Variants in ZCCHC8 observed in about 807,000 individuals in gnomAD.
ZCCHC8 encodes the protein zinc finger CCHC-type containing 8.
In ZCCHC8, 27 loss-of-function variants were observed where a neutral mutation model predicts 70.6. That is an observed-to-expected ratio of 0.38 (90% CI 0.28 to 0.53). ZCCHC8 has a LOEUF of 0.53. Ranked by LOEUF, ZCCHC8 falls within the 20% of genes least tolerant of loss-of-function variation. The pLI, the probability that ZCCHC8 is intolerant of heterozygous loss-of-function variation, is 0.81. For synonymous variants in ZCCHC8, 293 were observed against 317.4 expected (o/e 0.92, Z 0.82); for missense variants, 737 against 876.9 (o/e 0.84, Z 2.01).
chr12:122,482,724 TA>T, intron 7 of ZCCHC8, 29 bp from the exon 8 acceptor site: 2 of 1,572,774 alleles, frequency 1.3e-6, no homozygotes, highest in Non-Finnish European at 8.7e-7. Flanking sequence ...AAGATTTTTA[TA>T]ATGTCAATAA....
In ZCCHC8 at chr12:122,480,180, A is replaced by G; in HGVS notation, c.1140+10T>C. The G allele has an allele frequency of 6.4e-7, 1 of 1,556,920 alleles. No homozygotes were observed. On this transcript the variant is annotated intron_variant, in intron 11 of 13. Transcript: ENST00000633063. ...ATCACATGATAATTTAAAAAAATCA[A>G]TATACTTACGTCTGGAATTCCTCTG...
intron 11 of ZCCHC8, among the ~76,000 whole-genome samples, chr12:122,479,087 T>C (rs1482904532): frequency 6.6e-6 from 1 of 152,234 alleles, no homozygotes; most frequent in African/African-American, 2.4e-5. Context: ...TATTTTTATA[T>C]TTTTTGAGAT....
chr12:122,476,577 G>A (rs1311129215), intron 13 of ZCCHC8, among the ~76,000 whole-genome samples: 1 of 150,636 alleles, frequency 6.6e-6, no homozygotes. Flanking sequence ...CTGGGCAACC[G>A]AGCCAGATCC....
intron 2 of ZCCHC8, among the ~76,000 whole-genome samples, chr12:122,496,537 A>C (rs1957828322): frequency 6.6e-6 from 1 of 152,218 alleles, no homozygotes; most frequent in Non-Finnish European, 1.5e-5. Flanking sequence ...TTAACATATA[A>C]AAATTATGAC....
At chr12:122,490,835 A>T (rs1247116193) in intron 3 of ZCCHC8, 1 of 250,246 alleles carries the variant, frequency 4.0e-6, no homozygotes, top group Non-Finnish European at 7.6e-6. Flanking sequence ...GATTTTATTT[A>T]AAAATTCTGT....
intron 1 of ZCCHC8, chr12:122,499,176 C>A: frequency 2.4e-6 from 1 of 417,368 alleles, no homozygotes; most frequent in South Asian, 2.6e-5. Context: ...TTTCAACAAC[C>A]ACTATGTGAT....
At chr12:122,492,373 G>A (rs151211605) in intron 3 of ZCCHC8, 131 of 193,338 alleles carry the variant, frequency 6.8e-4, no homozygotes, top group African/African-American at 2.8e-3. Flanking sequence ...TGATAGTGAT[G>A]ATTTTTATTA....
At chr12:122,488,314 G>A (rs1294481954) in intron 5 of ZCCHC8, among the ~76,000 whole-genome samples, 1 of 151,870 alleles carries the variant, frequency 6.6e-6, no homozygotes, top group African/African-American at 2.4e-5. Context: ...TTACAGGTGT[G>A]AGCCACTTCG....
intron 9 of ZCCHC8, 47 bp downstream of exon 9, chr12:122,481,898 T>C (rs1957542765): frequency 2.5e-6 from 4 of 1,587,522 alleles, no homozygotes; most frequent in African/African-American, 2.7e-5. Flanking sequence ...ACATTCCAAA[T>C]GCTAGGGAAA....
In ZCCHC8 at chr12:122,496,702, G is replaced by T. The variant is rs146802472; in HGVS notation, c.242+2125C>A. 3.9e-5 allele frequency among the ~76,000 whole-genome samples: 6 copies of T among 152,218 alleles called. No individual in the cohort carries two copies. In the East Asian group the frequency reaches 1.2e-3, roughly 29 times the overall value. On this transcript the variant is annotated intron_variant, in intron 2 of 13. Coordinates refer to ENST00000633063, the MANE Select transcript of ZCCHC8 (RefSeq NM_017612.5). The stretch of plus-strand genomic sequence containing the variant: ...TTTTGTAGAGACAGAGTCTCACCAT[G>T]TTGTCCAGACTGGTCTCCCACTTCT...
intron 5 of ZCCHC8, among the ~76,000 whole-genome samples, chr12:122,487,929 T>G (rs1957672182): frequency 6.6e-6 from 1 of 152,078 alleles, no homozygotes; most frequent in Non-Finnish European, 1.5e-5. Flanking sequence ...TAGACTGGAG[T>G]GCAGTGGCAC....
chr12:122,494,413 T>C (rs970779016), intron 2 of ZCCHC8, among the ~76,000 whole-genome samples: 1 of 149,094 alleles, frequency 6.7e-6, no homozygotes, highest in Non-Finnish European at 1.5e-5. Context: ...ATACAAAAAT[T>C]AGCCATGCGT....
At chr12:122,489,249 T>A (rs985961094) in intron 5 of ZCCHC8, 137 bp downstream of exon 5, 1 of 706,614 alleles carries the variant, frequency 1.4e-6, no homozygotes, top group Non-Finnish European at 2.3e-6. Context: ...AAGTCCAAAC[T>A]GCTATTTACC....
intron 10 of ZCCHC8, chr12:122,481,120 C>G (rs1013551882): frequency 6.5e-6 from 1 of 153,610 alleles, no homozygotes; most frequent in African/African-American, 2.4e-5. Flanking sequence ...CATACAATTT[C>G]CTTTTCATAT....
At chr12:122,484,815 T>G (rs1188994070) in intron 5 of ZCCHC8, among the ~76,000 whole-genome samples, 2 of 152,178 alleles carry the variant, frequency 1.3e-5, no homozygotes, top group African/African-American at 2.4e-5. Flanking sequence ...CCAAATTCAA[T>G]GAACAGTTCT....
chr12:122,497,821 T>A (rs1051673722), intron 2 of ZCCHC8, among the ~76,000 whole-genome samples: 2 of 150,788 alleles, frequency 1.3e-5, no homozygotes, highest in African/African-American at 2.4e-5. Context: ...CCAGCTTGAG[T>A]AACACAGCAA....
intron 13 of ZCCHC8, among the ~76,000 whole-genome samples, chr12:122,477,063 T>C (rs914124770): frequency 6.6e-6 from 1 of 151,454 alleles, no homozygotes; most frequent in Admixed American, 6.6e-5. Flanking sequence ...GGGAAATAAT[T>C]TGAGGGCTTT....
At position 122,483,326 on chromosome 12, in the gene ZCCHC8, G is replaced by A. The variant is rs1465967434; in HGVS notation, c.624C>T (p.Ser208=). Residue 208 remains serine, a synonymous_variant, in exon 7 of 14, where the codon AGC becomes AGT. Transcript: ENST00000633063. This position sits in a 1 kb window ranked among gnomAD's most constrained non-coding sequence, Gnocchi z 4.4. The stretch of plus-strand genomic sequence containing the variant: ...CTTGCCCTTCTAGAGAAACAATGTG[G>A]CTGAAGACTTGATGGTACCTTTAGT... ...WEIPKYHQVF[S]HIVSLEGQEI... The A allele has an allele frequency of 6.3e-7, 1 of 1,599,412 alleles. No individual in the cohort carries two copies. The highest frequency in any genetic ancestry group is 1.1e-5 in the South Asian group (1 of 88,358).
At position 122,485,672 on chromosome 12, in the gene ZCCHC8, C is replaced by CTTT. The variant is rs769061586; in HGVS notation, c.502-2112_502-2110dup. Reference sequence around the variant, plus strand: ...CCATCAGAGAAAATATGACGACATCCTTTTTTTTTTTTTTCTGAGATGGAG... The same window carrying CTTT: ...CCATCAGAGAAAATATGACGACATCCTTTTTTTTTTTTTTTTTCTGAGATGGAG... On this transcript the variant is annotated intron_variant, in intron 5 of 13. Transcript: ENST00000633063. Among the ~76,000 whole-genome samples, 6 of 143,392 alleles carry CTTT rather than the reference C, an allele frequency of 4.2e-5. 1 individual carries two copies. The South Asian group carries it at 1.3e-3, about 32-fold the overall frequency. 94.1% of individuals were successfully genotyped at this position (143,392 alleles called of 152,430 possible).
Sources: gnomAD v4.1 joint callset for allele counts (sites outside exome capture counted in the v4.1 genomes callset) on GRCh38, gnomAD v4.1.1 for gene constraint, Gnocchi (gnomAD v3.1) non-coding constraint, MANE v1.5 for transcripts, NCBI Gene and HGNC (gene_info 2026-07-23, HGNC 2026-07-21) for gene names.